The following CSNK1G3 variants were observed in gnomAD, a reference collection of about 807,000 sequenced individuals.
The protein encoded by CSNK1G3 is casein kinase 1 gamma 3.
In CSNK1G3, 23 loss-of-function variants were observed where a neutral mutation model predicts 64.3. That is an observed-to-expected ratio of 0.36 (90% confidence interval 0.26 to 0.51). The LOEUF (loss-of-function observed/expected upper bound fraction) is 0.51. Among genes scored for constraint, CSNK1G3 ranks in the 20% least tolerant of loss-of-function variants. CSNK1G3 has a pLI of 0.96. For synonymous variants in CSNK1G3, 158 were observed against 162.2 expected, an observed-to-expected ratio of 0.97 and a Z score of 0.20; for missense variants, 357 against 510.5, an observed-to-expected ratio of 0.70 and a Z score of 2.90.
chr5:123,581,246 G>C (rs1389522638), intron 6 of CSNK1G3, among the ~76,000 whole-genome samples: 1 of 150,846 alleles, frequency 6.6e-6, no homozygotes, highest in Non-Finnish European at 1.5e-5. Flanking sequence ...CTATTATATA[G>C]CAATATTCTC....
At chr5:123,562,312 G>A (rs554772338) in intron 4 of CSNK1G3, among the ~76,000 whole-genome samples, 44 of 151,762 alleles carry the variant, frequency 2.9e-4, no homozygotes, top group Middle Eastern at 3.4e-3. Flanking sequence ...TTCTTTTATC[G>A]TATGGTAATT....
At chr5:123,568,651 AT>A (rs1787435110) in intron 4 of CSNK1G3, among the ~76,000 whole-genome samples, 2 of 152,240 alleles carry the variant, frequency 1.3e-5, no homozygotes, top group Admixed American at 6.5e-5. Flanking sequence ...TCAGTTGGTC[AT>A]TGTCAGCCTC....
In CSNK1G3 at chr5:123,545,415, A is replaced by G; in HGVS notation, c.-247-2A>G. 3.0e-6 allele frequency: 1 copy of G among 331,342 alleles called. No homozygotes were observed. Among genetic ancestry groups the G allele is most frequent in the East Asian group, 4.6e-5 (1 of 21,806 alleles). The allele number at this position is 331,342 out of a possible 1,614,324, so 20.5% of individuals were successfully genotyped here. A position where few individuals can be genotyped will look rare whatever the true frequency, so the allele number is the denominator to read the frequency against. On this transcript the variant is annotated splice_acceptor_variant, in intron 1 of 12. Coordinates refer to ENST00000345990, the Ensembl canonical transcript of CSNK1G3. LOFTEE classifies it low-confidence loss of function (5UTR_SPLICE). ...ACTAATTTCCTTTTCTTAATATTCTAGCTCTCTATCAATATCAGCTCACAT... is the reference window on the plus strand; with the variant it reads ...ACTAATTTCCTTTTCTTAATATTCTGGCTCTCTATCAATATCAGCTCACAT...
intron 6 of CSNK1G3, among the ~76,000 whole-genome samples, chr5:123,580,574 T>C (rs1790054007): frequency 6.6e-6 from 1 of 151,964 alleles, no homozygotes; most frequent in African/African-American, 2.4e-5. Context: ...TGGATTTCCA[T>C]GTGTCCTTGC....
intron 6 of CSNK1G3, among the ~76,000 whole-genome samples, chr5:123,577,453 T>A (rs1789399227): frequency 1.3e-5 from 2 of 152,068 alleles, no homozygotes; most frequent in Admixed American, 6.6e-5. Flanking sequence ...GTTAAAAATT[T>A]TGAGTTTATA....
intron 12 of CSNK1G3, among the ~76,000 whole-genome samples, chr5:123,609,855 T>C (rs1796013112): frequency 6.6e-6 from 1 of 152,092 alleles, no homozygotes; most frequent in Admixed American, 6.6e-5. Context: ...CTCTGTGAAC[T>C]TAATGCTTTA....
chr5:123,561,187 C>A lies in CSNK1G3; in HGVS notation c.289+3623C>A, dbSNP rs188276629. 5.9e-5 allele frequency among the ~76,000 whole-genome samples: 9 copies of A among 152,186 alleles called. No homozygotes were observed. The East Asian group carries it at 1.7e-3, about 29-fold the overall frequency. On this transcript the variant is annotated intron_variant, in intron 4 of 12. Coordinates refer to ENST00000345990, the Ensembl canonical transcript of CSNK1G3. ...CATAGGATTAGACTATTGTTTTATA[C>A]CATTATCACTCTCTGGGATAGCAAA...
At chr5:123,518,617 G>T (rs928750798) in intron 1 of CSNK1G3, among the ~76,000 whole-genome samples, 1 of 152,076 alleles carries the variant, frequency 6.6e-6, no homozygotes, top group Non-Finnish European at 1.5e-5. Context: ...TTTTCTCTTC[G>T]TATCTTATTG....
chr5:123,607,925 T>C (rs1795636140), intron 12 of CSNK1G3, among the ~76,000 whole-genome samples: 1 of 152,152 alleles, frequency 6.6e-6, no homozygotes, highest in South Asian at 2.1e-4. Flanking sequence ...GTGTTCCTCA[T>C]ACCCTCTTAA....
intron 2 of CSNK1G3, among the ~76,000 whole-genome samples, chr5:123,549,721 G>T (rs927290953): frequency 6.6e-6 from 1 of 152,172 alleles, no homozygotes; most frequent in East Asian, 1.9e-4. Context: ...TGTGGCATGC[G>T]ATGTGACTTC....
intron 1 of CSNK1G3, among the ~76,000 whole-genome samples, chr5:123,532,629 T>C (rs1400522283): frequency 1.3e-5 from 2 of 151,872 alleles, no homozygotes; most frequent in African/African-American, 4.8e-5. Flanking sequence ...TCCACTATTA[T>C]TGATGGCGTC....
intron 10 of CSNK1G3, among the ~76,000 whole-genome samples, chr5:123,594,555 G>T (rs565162966): frequency 3.9e-4 from 59 of 152,276 alleles, no homozygotes; most frequent in Non-Finnish European, 7.9e-4. Flanking sequence ...GACTAAGCAA[G>T]AGAGAAAATA....
intron 12 of CSNK1G3, among the ~76,000 whole-genome samples, chr5:123,610,602 G>A (rs1004343155): frequency 6.6e-6 from 1 of 152,188 alleles, no homozygotes; most frequent in Non-Finnish European, 1.5e-5. Context: ...TTAGGACTTT[G>A]ATCCATTTTG....
exon 13 of CSNK1G3, chr5:123,616,531 A>G (rs551830426): frequency 4.6e-5 from 7 of 152,722 alleles, no homozygotes; most frequent in South Asian, 2.1e-4. Context: ...CTTTTTAGCA[A>G]TATTTTTAAG....
intron 4 of CSNK1G3, among the ~76,000 whole-genome samples, chr5:123,567,149 A>G (rs1468818039): frequency 1.3e-5 from 2 of 152,196 alleles, no homozygotes; most frequent in Non-Finnish European, 1.5e-5. Flanking sequence ...TTTGAGACTC[A>G]TTCACTATTA....
At chr5:123,568,430 G>C (rs1787390558) in intron 4 of CSNK1G3, among the ~76,000 whole-genome samples, 1 of 152,102 alleles carries the variant, frequency 6.6e-6, no homozygotes, top group Admixed American at 6.6e-5. Context: ...ATTGAGAAAT[G>C]GTTCATTGTT....
chr5:123,519,181 G>A (rs1036870490), intron 1 of CSNK1G3, among the ~76,000 whole-genome samples: 1 of 152,094 alleles, frequency 6.6e-6, no homozygotes, highest in Non-Finnish European at 1.5e-5. Flanking sequence ...AGCATCCTGA[G>A]TAGCTGGGAT....
intron 1 of CSNK1G3, among the ~76,000 whole-genome samples, chr5:123,539,965 A>AT (rs1267946191): frequency 6.6e-6 from 1 of 152,146 alleles, no homozygotes; most frequent in Non-Finnish European, 1.5e-5. Flanking sequence ...TTATAGGATC[A>AT]TTTTGATATC....
At position 123,573,387 on chromosome 5, in the gene CSNK1G3, C is replaced by A. The variant is rs753519513; in HGVS notation, c.290-6C>A. ...AATTATTAAATGAGTATTTCTTTTC[C>A]CCCAGATGGTATACCTCAAGTTTAC... On this transcript the variant is annotated splice_region_variant and splice_polypyrimidine_tract_variant and intron_variant, in intron 4 of 12. Transcript: ENST00000345990. The A allele has an allele frequency of 1.9e-6, 3 of 1,612,862 alleles. No homozygotes were observed. The Admixed American group carries it at 5.0e-5, about 27-fold the overall frequency.
Sources: allele counts gnomAD v4.1 joint callset (sites outside exome capture counted in the v4.1 genomes callset), GRCh38; gene constraint gnomAD v4.1.1; transcripts MANE v1.5; gene names NCBI Gene and HGNC (gene_info 2026-07-23, HGNC 2026-07-21).